Variants in TTC28 observed in about 807,000 individuals in gnomAD.
The protein encoded by TTC28 is tetratricopeptide repeat domain 28, also known as tetratricopeptide repeat protein 28.
In TTC28, 61 loss-of-function variants were observed where a neutral mutation model predicts 198.0. That is an observed-to-expected ratio of 0.31 (90% confidence interval 0.25 to 0.38). TTC28 has a LOEUF of 0.38. Ranked by LOEUF, TTC28 falls within the 10% of genes least tolerant of loss-of-function variation. The pLI, the probability that TTC28 is intolerant of heterozygous loss-of-function variation, is 1.00. For missense variants in TTC28, 2,678 were observed against 3,164.0 expected, an observed-to-expected ratio of 0.85 and a Z score of 3.69; for synonymous variants, 1,171 against 1,297.8, an observed-to-expected ratio of 0.90 and a Z score of 2.10.
intron 5 of TTC28, among the ~76,000 whole-genome samples, chr22:28,189,507 T>C (rs1437069300): frequency 6.6e-6 from 1 of 150,500 alleles, no homozygotes; most frequent in African/African-American, 2.4e-5. Flanking sequence ...GAAGAAATTA[T>C]CAAAAACTTA....
intron 1 of TTC28, among the ~76,000 whole-genome samples, chr22:28,641,435 C>T (rs903678171): frequency 6.6e-6 from 1 of 152,044 alleles, no homozygotes; most frequent in African/African-American, 2.4e-5. Context: ...CTGTATGATT[C>T]AATTTATTAA....
intron 6 of TTC28, among the ~76,000 whole-genome samples, chr22:28,129,396 GCAGCCA>G (rs1319704844): frequency 6.6e-6 from 1 of 152,218 alleles, no homozygotes; most frequent in Non-Finnish European, 1.5e-5. Context: ...ACGCCAAAAT[GCAGCCA>G]CAGCTGAAAT....
chr22:28,431,391 T>C (rs917027550), intron 2 of TTC28, among the ~76,000 whole-genome samples: 1 of 152,172 alleles, frequency 6.6e-6, no homozygotes, highest in African/African-American at 2.4e-5. Flanking sequence ...TCTAAACAAA[T>C]ATCTGGTTTT....
chr22:28,342,402 T>C (rs761380988), intron 2 of TTC28, among the ~76,000 whole-genome samples: 1 of 152,204 alleles, frequency 6.6e-6, no homozygotes, highest in Admixed American at 6.5e-5. Flanking sequence ...CTAGAAAATT[T>C]AGGAAAATAT....
intron 6 of TTC28, among the ~76,000 whole-genome samples, chr22:28,154,311 AAAGATGGC>A (rs1279798148): frequency 2.0e-5 from 3 of 149,512 alleles, no homozygotes; most frequent in Non-Finnish European, 4.5e-5. Flanking sequence ...ACATAAAAGA[AAAGATGGC>A]CATTTTTTTT....
chr22:28,463,605 C>G (rs1199692725), intron 2 of TTC28, among the ~76,000 whole-genome samples: 1 of 152,268 alleles, frequency 6.6e-6, no homozygotes, highest in African/African-American at 2.4e-5. Flanking sequence ...GAGTCATGTC[C>G]TTTGTAGGGA....
In TTC28 at chr22:28,651,514, C is replaced by T. The variant is rs972927500; in HGVS notation, c.103-21684G>A. Among the ~76,000 whole-genome samples, 4 of 152,198 alleles carry T rather than the reference C, an allele frequency of 2.6e-5. No homozygotes were observed. In the East Asian group the frequency reaches 7.7e-4, roughly 29 times the overall value. ...CATTGCAGTCTCAACCTCCCAGGTT[C>T]AGGCAATCCTCCTGCCTCAGCCTCC... On this transcript the variant is annotated intron_variant, in intron 1 of 22. Coordinates refer to ENST00000397906, the MANE Select transcript of TTC28 (RefSeq NM_001145418.2).
chr22:28,654,360 G>T (rs538828000), intron 1 of TTC28, among the ~76,000 whole-genome samples: 6 of 152,010 alleles, frequency 3.9e-5, no homozygotes, highest in African/African-American at 1.2e-4. Context: ...GCGGAGTCTC[G>T]CTCTGTCACC....
chr22:28,107,790 C>T lies in TTC28; in HGVS notation c.2055G>A (p.Lys685=). Residue 685 remains lysine (K), a synonymous_variant, in exon 7 of 23, where the codon AAG becomes AAA. Transcript: ENST00000397906. ...CAGCTTTACTGAAATTCAGCAGAGC[C>T]TTGAATGCTAGGCCCAAGTTGCAGT... ...KAYCNLGLAF[K]ALLNFSKAEE... 1.3e-6 allele frequency: 2 copies of T among 1,552,050 alleles called. No individual in the cohort carries two copies. The highest frequency in any genetic ancestry group is 1.7e-6 in the Non-Finnish European group (2 of 1,147,058).
chr22:28,605,424 CTTTT>C (rs1414334199), intron 2 of TTC28, among the ~76,000 whole-genome samples: 1 of 152,166 alleles, frequency 6.6e-6, no homozygotes, highest in Non-Finnish European at 1.5e-5. Flanking sequence ...AGAAAACATA[CTTTT>C]GTTTGTAGTT....
chr22:28,535,447 T>C (rs1051654522), intron 2 of TTC28, among the ~76,000 whole-genome samples: 4 of 152,204 alleles, frequency 2.6e-5, no homozygotes, highest in Admixed American at 6.5e-5. Context: ...TGAGATTACA[T>C]AGTATACTTT....
chr22:28,186,513 C>T (rs1924221196), intron 5 of TTC28, among the ~76,000 whole-genome samples: 1 of 152,102 alleles, frequency 6.6e-6, no homozygotes, highest in Non-Finnish European at 1.5e-5. Context: ...TCAACAGTGA[C>T]ACTGGGCTGT....
At chr22:28,470,380 C>A (rs1031118340) in intron 2 of TTC28, among the ~76,000 whole-genome samples, 9 of 152,082 alleles carry the variant, frequency 5.9e-5, no homozygotes, top group Non-Finnish European at 2.9e-5. Context: ...ACAATAAATT[C>A]AACATTTTGC....
At chr22:28,071,490 C>G (rs1018333138) in intron 12 of TTC28, among the ~76,000 whole-genome samples, 1 of 148,406 alleles carries the variant, frequency 6.7e-6, no homozygotes, top group African/African-American at 2.5e-5. Flanking sequence ...GAACAAAAAA[C>G]CAAACACCGC....
At chr22:28,262,618 T>A (rs1931403022) in intron 5 of TTC28, among the ~76,000 whole-genome samples, 1 of 152,090 alleles carries the variant, frequency 6.6e-6, no homozygotes, top group Non-Finnish European at 1.5e-5. Context: ...GAGATTTCTG[T>A]CTTAAAATGA....
At chr22:28,590,568 C>T (rs1335975880) in intron 2 of TTC28, among the ~76,000 whole-genome samples, 2 of 152,108 alleles carry the variant, frequency 1.3e-5, no homozygotes, top group Non-Finnish European at 2.9e-5. Context: ...GCCTGGGCAA[C>T]ATAGCAAGAC....
At chr22:28,013,784 T>G (rs138675) in intron 14 of TTC28, among the ~76,000 whole-genome samples, 91,091 of 151,558 alleles carry the variant, frequency 0.6, 27,882 homozygotes, top group South Asian at 0.72. Context: ...AAAGGGCACA[T>G]CCACGGCCAC....
At chr22:28,424,139 G>T (rs2047308501) in intron 2 of TTC28, among the ~76,000 whole-genome samples, 1 of 152,158 alleles carries the variant, frequency 6.6e-6, no homozygotes, top group East Asian at 1.9e-4. Context: ...AATAGAAATT[G>T]TATATATTTA....
chr22:28,481,450 T>TGTTTATGTA (rs932146641), intron 2 of TTC28, among the ~76,000 whole-genome samples: 2 of 152,198 alleles, frequency 1.3e-5, no homozygotes, highest in Admixed American at 1.3e-4. Flanking sequence ...TCTGTGTTCT[T>TGTTTATGTA]TGTAGAACAT....
Sources: gnomAD v4.1 joint callset for allele counts (sites outside exome capture counted in the v4.1 genomes callset) on GRCh38, gnomAD v4.1.1 for gene constraint, MANE v1.5 for transcripts, NCBI Gene and HGNC (gene_info 2026-07-23, HGNC 2026-07-21) for gene names.